The following ARID5B variants were observed in gnomAD, a reference collection of about 807,000 sequenced individuals.
The protein encoded by ARID5B is AT-rich interaction domain 5B.
In ARID5B, 13 loss-of-function variants were observed where a neutral mutation model predicts 97.2. The ratio of observed to expected loss-of-function variants is 0.13; its 90% confidence interval spans 0.09 to 0.21. ARID5B has a LOEUF of 0.21. Ranked by LOEUF, ARID5B falls within the 10% of genes least tolerant of loss-of-function variation. ARID5B has a pLI of 1.00. For missense variants in ARID5B, 1,210 were observed against 1,465.3 expected (o/e 0.83, Z 2.84); for synonymous variants, 556 against 570.3 (o/e 0.97, Z 0.36).
At chr10:61,907,690 G>C (rs1843730327) in intron 2 of ARID5B, among the ~76,000 whole-genome samples, 1 of 152,256 alleles carries the variant, frequency 6.6e-6, no homozygotes, top group African/African-American at 2.4e-5. Context: ...GAATTACATG[G>C]AGAGAAATTA....
chr10:62,019,324 C>T (rs1047208922), intron 4 of ARID5B, among the ~76,000 whole-genome samples: 14 of 152,164 alleles, frequency 9.2e-5, no homozygotes, highest in Admixed American at 2.6e-4. Context: ...CTCCTTAATG[C>T]TTCTTGGTGC....
At chr10:61,969,047 G>T (rs1447588326) in intron 3 of ARID5B, among the ~76,000 whole-genome samples, 1 of 152,122 alleles carries the variant, frequency 6.6e-6, no homozygotes, top group African/African-American at 2.4e-5. Flanking sequence ...GATTCAAAAT[G>T]ATTTCTAATC....
chr10:61,936,818 AAAAC>A (rs142818994), intron 2 of ARID5B, among the ~76,000 whole-genome samples: 146,617 of 146,634 alleles, frequency 1, 73,301 homozygotes, highest in Middle Eastern at 1. Flanking sequence ...GAATTATTAT[AAAAC>A]CTGGGTTTCC....
At chr10:62,085,429 G>T (rs555632967) in intron 8 of ARID5B, among the ~76,000 whole-genome samples, 3 of 152,310 alleles carry the variant, frequency 2.0e-5, no homozygotes, top group Admixed American at 2.0e-4. Context: ...TGGTGATATT[G>T]TTAATGTTGG....
chr10:62,092,975 A>C lies in ARID5B; in HGVS notation c.3512A>C (p.Gln1171Pro). The change falls in exon 10 of 10, where the codon CAA (glutamine) becomes CCA (proline). Residue 1171 changes from glutamine to proline, a missense_variant. Coordinates refer to ENST00000279873, the MANE Select transcript of ARID5B (RefSeq NM_032199.3). Reference protein sequence around the residue: ...SIYPLAAINPQAAFPSSQLSS... With the variant: ...SIYPLAAINPPAAFPSSQLSS... ...TACCCTTTAGCTGCTATAAATCCTC[A>C]AGCTGCCTTTCCATCTTCCCAGCTG... 1 of 1,613,862 alleles carries C rather than the reference A, an allele frequency of 6.2e-7. No homozygotes were observed. Among genetic ancestry groups the C allele is most frequent in the Non-Finnish European group, 8.5e-7 (1 of 1,179,980 alleles).
intron 7 of ARID5B, among the ~76,000 whole-genome samples, chr10:62,064,700 C>A (rs1839963499): frequency 6.6e-6 from 1 of 152,130 alleles, no homozygotes; most frequent in Non-Finnish European, 1.5e-5. Context: ...TGGAGAGTTA[C>A]TTTCAGGCTA....
intron 3 of ARID5B, among the ~76,000 whole-genome samples, chr10:61,946,570 TG>T (rs1844502290): frequency 6.6e-6 from 1 of 152,334 alleles, no homozygotes; most frequent in Admixed American, 6.5e-5. Flanking sequence ...AATAATATAT[TG>T]TTGCACTATA....
chr10:62,036,553 C>T (rs528050174), intron 4 of ARID5B, among the ~76,000 whole-genome samples: 2 of 152,350 alleles, frequency 1.3e-5, no homozygotes, highest in South Asian at 4.1e-4. Context: ...GCTTCATGCA[C>T]TCCAAGTGAG....
At chr10:62,011,913 A>G (rs532236268) in intron 4 of ARID5B, among the ~76,000 whole-genome samples, 28 of 152,268 alleles carry the variant, frequency 1.8e-4, no homozygotes, top group African/African-American at 6.7e-4. Context: ...CACAGCTGTG[A>G]TTATATACAG....
intron 3 of ARID5B, among the ~76,000 whole-genome samples, chr10:61,996,117 C>T (rs535034795): frequency 4.9e-4 from 74 of 152,218 alleles, no homozygotes; most frequent in African/African-American, 1.7e-3. Flanking sequence ...TTTCCTATCA[C>T]ATGCATAGAA....
At chr10:62,036,437 C>A (rs1839565069) in intron 4 of ARID5B, among the ~76,000 whole-genome samples, 1 of 152,158 alleles carries the variant, frequency 6.6e-6, no homozygotes, top group Non-Finnish European at 1.5e-5. Flanking sequence ...AATGCCAGAG[C>A]ACTTTCCTGA....
intron 4 of ARID5B, among the ~76,000 whole-genome samples, chr10:62,008,387 C>T (rs1233088156): frequency 6.6e-6 from 1 of 152,180 alleles, no homozygotes; most frequent in Non-Finnish European, 1.5e-5. Flanking sequence ...TCAGCCCAGA[C>T]CCTGCTCAGA....
At chr10:62,023,945 G>A (rs1210433326) in intron 4 of ARID5B, among the ~76,000 whole-genome samples, 1 of 152,180 alleles carries the variant, frequency 6.6e-6, no homozygotes, top group African/African-American at 2.4e-5. Context: ...ATACCGATAG[G>A]CTTCTGTATC....
At chr10:62,052,799 C>T (rs546744878) in intron 5 of ARID5B, among the ~76,000 whole-genome samples, 26 of 148,592 alleles carry the variant, frequency 1.7e-4, no homozygotes, top group African/African-American at 5.8e-4. Flanking sequence ...CAGTGCTGCC[C>T]GTCAGAATCT....
At chr10:62,006,838 G>T (rs571915176) in intron 4 of ARID5B, among the ~76,000 whole-genome samples, 1 of 152,286 alleles carries the variant, frequency 6.6e-6, no homozygotes, top group Admixed American at 6.5e-5. Context: ...CTTGAAAGGA[G>T]ATTTAAAAAT....
At chr10:61,969,228 T>TA (rs1450534321) in intron 3 of ARID5B, among the ~76,000 whole-genome samples, 1 of 152,208 alleles carries the variant, frequency 6.6e-6, no homozygotes, top group African/African-American at 2.4e-5. Flanking sequence ...TATTGGAAGA[T>TA]ACGATTTTCA....
chr10:62,056,690 AG>A (rs1839860761), intron 5 of ARID5B, among the ~76,000 whole-genome samples: 1 of 152,182 alleles, frequency 6.6e-6, no homozygotes, highest in Admixed American at 6.5e-5. Context: ...CCAGATGCAA[AG>A]GCTATCTCTC....
chr10:62,019,402 T>G (rs1839325698), intron 4 of ARID5B, among the ~76,000 whole-genome samples: 1 of 152,244 alleles, frequency 6.6e-6, no homozygotes, highest in Admixed American at 6.5e-5. Flanking sequence ...CGTACAATAG[T>G]GAAGAACATG....
intron 7 of ARID5B, among the ~76,000 whole-genome samples, chr10:62,066,376 G>C (rs911704253): frequency 6.6e-6 from 1 of 152,174 alleles, no homozygotes; most frequent in African/African-American, 2.4e-5. Flanking sequence ...TTTAACAGTT[G>C]TGAAGGGCAC....
Sources: gnomAD v4.1 joint callset for allele counts (sites outside exome capture counted in the v4.1 genomes callset) on GRCh38, gnomAD v4.1.1 for gene constraint, MANE v1.5 for transcripts, NCBI Gene and HGNC (gene_info 2026-07-23, HGNC 2026-07-21) for gene names.